CACNA1C: variants seen among roughly 807,000 people sequenced by gnomAD.
The protein encoded by CACNA1C is voltage-dependent L-type calcium channel subunit alpha-1C.
CACNA1C carries 30 observed loss-of-function variants against 229.0 expected under a neutral mutation model. The observed-to-expected ratio is 0.13, with a 90% CI of 0.10 to 0.18. CACNA1C has a LOEUF of 0.18. Ranked by LOEUF, CACNA1C falls within the 10% of genes least tolerant of loss-of-function variation. The pLI is 1.00. For synonymous variants in CACNA1C, 1,114 were observed against 1,132.5 expected (o/e 0.98, Z 0.33); for missense variants, 1,658 against 2,845.0 (o/e 0.58, Z 9.49).
chr12:2,317,567 A>G (rs1303939376), intron 3 of CACNA1C, among the ~76,000 whole-genome samples: 1 of 152,242 alleles, frequency 6.6e-6, no homozygotes, highest in African/African-American at 2.4e-5. Flanking sequence ...TCTGGAGATC[A>G]GTTGCAGAGC....
chr12:2,444,526 T>C (rs2099259529), intron 3 of CACNA1C, among the ~76,000 whole-genome samples: 1 of 152,068 alleles, frequency 6.6e-6, no homozygotes, highest in South Asian at 2.1e-4. Context: ...CTGCACACTC[T>C]CCTCGTTCAG....
chr12:2,299,710 C>T (rs576238081), intron 3 of CACNA1C, among the ~76,000 whole-genome samples: 3 of 152,158 alleles, frequency 2.0e-5, no homozygotes. Flanking sequence ...CAGAAACCAC[C>T]GAAAGGGGAA....
In CACNA1C at chr12:2,602,744, C is replaced by T. The variant is rs372101793; in HGVS notation, c.2960+784C>T. ...GAGCTTTCCAGGTGACTCCCCTGTA[C>T]AGCCAAGCTTGCAGTCCTCGTTCAG... On this transcript the variant is annotated intron_variant, in intron 22 of 46. Coordinates refer to ENST00000399655, the MANE Select transcript of CACNA1C (RefSeq NM_000719.7). The surrounding 1 kb of genome is among the most constrained non-coding windows in gnomAD (Gnocchi z 4.4). Among the ~76,000 whole-genome samples, 8 of 151,828 alleles carry T rather than the reference C, an allele frequency of 5.3e-5. No individual in the cohort carries two copies. Among genetic ancestry groups the T allele is most frequent in the Non-Finnish European group, 4.4e-5 (3 of 67,998 alleles).
chr12:2,218,592 A>G (rs2060593376), intron 3 of CACNA1C, among the ~76,000 whole-genome samples: 1 of 152,214 alleles, frequency 6.6e-6, no homozygotes, highest in Non-Finnish European at 1.5e-5. Flanking sequence ...TTCAGCTGCC[A>G]AATGGAAGGT....
chr12:2,372,829 G>A (rs1441885690), intron 3 of CACNA1C, among the ~76,000 whole-genome samples: 2 of 152,354 alleles, frequency 1.3e-5, no homozygotes, highest in East Asian at 1.9e-4. Context: ...TCAGGGGTCC[G>A]GGGACATGCC....
chr12:2,464,671 C>T (rs532480492), intron 5 of CACNA1C, among the ~76,000 whole-genome samples: 1 of 152,308 alleles, frequency 6.6e-6, no homozygotes, highest in South Asian at 2.1e-4. Flanking sequence ...AAGATTAGAT[C>T]TTTCAGGATG....
chr12:2,489,804 G>A (rs917999722), intron 6 of CACNA1C, among the ~76,000 whole-genome samples: 3 of 152,114 alleles, frequency 2.0e-5, no homozygotes, highest in Non-Finnish European at 2.9e-5. Flanking sequence ...TTATTTTACC[G>A]AAAACTTAAT....
chr12:2,127,182 G>A (rs778142648), intron 3 of CACNA1C, among the ~76,000 whole-genome samples: 4 of 152,112 alleles, frequency 2.6e-5, no homozygotes, highest in Non-Finnish European at 5.9e-5. Context: ...TCAGCCTGAG[G>A]TTCCCCCATT....
intron 3 of CACNA1C, among the ~76,000 whole-genome samples, chr12:2,299,989 T>C (rs2094430407): frequency 6.6e-6 from 1 of 152,230 alleles, no homozygotes; most frequent in Non-Finnish European, 1.5e-5. Flanking sequence ...TCATCAGCAC[T>C]ATCATTTTGT....
In CACNA1C at chr12:2,632,629, C is replaced by A. The variant is rs1183452237; in HGVS notation, c.3829-1668C>A. Among the ~76,000 whole-genome samples, 1 of 152,186 alleles carries A rather than the reference C, an allele frequency of 6.6e-6. No homozygotes were observed. The highest frequency in any genetic ancestry group is 1.5e-5 in the Non-Finnish European group (1 of 68,044). Reference sequence around the variant, plus strand: ...TGGTAAAGTCAGGATACTGGTCTTCCCCTTCTGTGCCAGAATCTCTCCTTC... The same window carrying A: ...TGGTAAAGTCAGGATACTGGTCTTCACCTTCTGTGCCAGAATCTCTCCTTC... On this transcript the variant is annotated intron_variant, in intron 29 of 46. Coordinates refer to ENST00000399655, the MANE Select transcript of CACNA1C (RefSeq NM_000719.7). The surrounding 1 kb of genome is among the most constrained non-coding windows in gnomAD (Gnocchi z 4.1).
chr12:2,034,991 G>T lies in CACNA1C; in HGVS notation c.139+63790G>T, dbSNP rs776407459. Among the ~76,000 whole-genome samples, 13 of 152,230 alleles carry T rather than the reference G, an allele frequency of 8.5e-5. No homozygotes were observed. The highest frequency in any genetic ancestry group is 5.2e-4 in the Admixed American group (8 of 15,292). On this transcript the variant is annotated intron_variant, in intron 1 of 46. Coordinates refer to the CACNA1C transcript ENST00000682462. The surrounding 1 kb of genome is among the most constrained non-coding windows in gnomAD (Gnocchi z 4.1). ...AGAAGGAGGTCTGGGCACTGGAAGC[G>T]GCACACGTGGAAACGGTAAAGGCCG...
Position 2,677,002 on chromosome 12 carries a change from A to C in CACNA1C, c.4829-92A>C. On this transcript the variant is annotated intron_variant, in intron 39 of 46. Coordinates refer to ENST00000399655, the MANE Select transcript of CACNA1C (RefSeq NM_000719.7). The surrounding 1 kb of genome is among the most constrained non-coding windows in gnomAD (Gnocchi z 7.4). ...CTCTCCAAAAATATTAAAGTTTTAA[A>C]AAGTTTTGGATGCTGAAAAAAAAAA... 2 of 1,084,600 alleles carry C rather than the reference A, an allele frequency of 1.8e-6. No homozygotes were observed. Among genetic ancestry groups the C allele is most frequent in the Non-Finnish European group, 1.4e-6 (1 of 736,266 alleles). The allele number at this position is 1,084,600 out of a possible 1,614,324, so 67.2% of individuals were successfully genotyped here.
chr12:2,004,529 A>C, intron 1 of CACNA1C: 2 of 1,495,868 alleles, frequency 1.3e-6, no homozygotes, highest in Non-Finnish European at 1.8e-6. Context: ...ACCCACGGCG[A>C]CCACACGGCC....
intron 3 of CACNA1C, among the ~76,000 whole-genome samples, chr12:2,120,656 CTGTGTGTGTGTGTGTGTG>C (rs112680750): frequency 7.2e-6 from 1 of 139,778 alleles, no homozygotes; most frequent in Non-Finnish European, 1.5e-5. Flanking sequence ...GTGGTGAGCT[CTGTGTGTGTGTGTGTGTG>C]TGTGTGTGTG....
intron 3 of CACNA1C, among the ~76,000 whole-genome samples, chr12:2,345,056 G>T (rs1405128977): frequency 2.0e-5 from 3 of 148,774 alleles, no homozygotes; most frequent in Admixed American, 6.8e-5. Context: ...AAGCTCTCTG[G>T]CCGTGAGCCC....
intron 3 of CACNA1C, among the ~76,000 whole-genome samples, chr12:2,187,750 C>T (rs547608931): frequency 3.9e-5 from 6 of 152,338 alleles, no homozygotes; most frequent in East Asian, 3.9e-4. Flanking sequence ...GCCTGTCCTC[C>T]GGAGAAAGAT....
At position 2,608,927 on chromosome 12, in the gene CACNA1C, G is replaced by A. The variant is rs530551479; in HGVS notation, c.3558+215G>A. On this transcript the variant is annotated intron_variant, in intron 27 of 46. Coordinates refer to ENST00000399655, the MANE Select transcript of CACNA1C (RefSeq NM_000719.7). The surrounding 1 kb of genome is among the most constrained non-coding windows in gnomAD (Gnocchi z 4.2). ...ACCCCAGATCTGGCAAATGTACTCAGCCAACAAATATCTATGAAGCTTCTA... is the reference window on the plus strand; with the variant it reads ...ACCCCAGATCTGGCAAATGTACTCAACCAACAAATATCTATGAAGCTTCTA... Among the ~76,000 whole-genome samples, 4 of 152,316 alleles carry A rather than the reference G, an allele frequency of 2.6e-5. No homozygotes were observed. Among genetic ancestry groups the A allele is most frequent in the African/African-American group, 9.6e-5 (4 of 41,574 alleles).
intron 3 of CACNA1C, among the ~76,000 whole-genome samples, chr12:2,279,739 CAAA>C (rs1180358888): frequency 6.6e-6 from 1 of 152,130 alleles, no homozygotes; most frequent in Non-Finnish European, 1.5e-5. Flanking sequence ...AAAAATATAA[CAAA>C]AATAATGCAA....
chr12:2,169,582 T>C (rs1032260965), intron 3 of CACNA1C, among the ~76,000 whole-genome samples: 2 of 152,216 alleles, frequency 1.3e-5, no homozygotes, highest in African/African-American at 4.8e-5. Flanking sequence ...TGTCATGTTG[T>C]GGTCACTGAA....
Sources: allele counts gnomAD v4.1 joint callset (sites outside exome capture counted in the v4.1 genomes callset), GRCh38; gene constraint gnomAD v4.1.1; non-coding constraint Gnocchi (gnomAD v3.1); transcripts MANE v1.5; gene names NCBI Gene and HGNC (gene_info 2026-07-23, HGNC 2026-07-21).